The following CYP11A1 variants were observed in gnomAD, a reference collection of about 807,000 sequenced individuals.
CYP11A1 encodes the protein cytochrome P450 family 11 subfamily A member 1, also known as cholesterol side-chain cleavage enzyme, mitochondrial.
CYP11A1 carries 25 observed loss-of-function variants against 51.9 expected under a neutral mutation model. The observed-to-expected ratio is 0.48, with a 90% CI of 0.35 to 0.67. The LOEUF is 0.67. Among genes scored for constraint, CYP11A1 ranks in the 30% least tolerant of loss-of-function variants. CYP11A1 has a pLI of 0.00. For missense variants in CYP11A1, 578 were observed against 680.9 expected, an observed-to-expected ratio of 0.85 and a Z score of 1.68; for synonymous variants, 245 against 262.1, an observed-to-expected ratio of 0.93 and a Z score of 0.63.
intron 1 of CYP11A1, among the ~76,000 whole-genome samples, chr15:74,353,199 G>A (rs1278025626): frequency 1.3e-5 from 2 of 152,182 alleles, no homozygotes; most frequent in South Asian, 4.1e-4. Context: ...TCAAGTTACA[G>A]TTTTGAAAAG....
intron 1 of CYP11A1, among the ~76,000 whole-genome samples, chr15:74,352,250 T>C (rs1387824665): frequency 6.6e-6 from 1 of 151,148 alleles, no homozygotes; most frequent in Non-Finnish European, 1.5e-5. Flanking sequence ...GAATTTTATG[T>C]TTGTCTTTGC....
At chr15:74,360,316 T>G (rs1464819997) in intron 1 of CYP11A1, among the ~76,000 whole-genome samples, 1 of 152,052 alleles carries the variant, frequency 6.6e-6, no homozygotes, top group African/African-American at 2.4e-5. Context: ...AGTCTCACTC[T>G]GTCCCCCAGG....
chr15:74,358,739 C>G (rs34578565), intron 1 of CYP11A1, among the ~76,000 whole-genome samples: 72,074 of 152,066 alleles, frequency 0.47, 19,083 homozygotes, highest in Non-Finnish European at 0.6. Flanking sequence ...TTCTGTCAGA[C>G]ATAATTCCTC....
intron 1 of CYP11A1, among the ~76,000 whole-genome samples, chr15:74,348,574 G>A (rs1280232407): frequency 6.6e-6 from 1 of 152,170 alleles, no homozygotes; most frequent in Non-Finnish European, 1.5e-5. Context: ...CTGAAATTCT[G>A]AGAGTGGCCA....
At chr15:74,365,790 C>A in intron 1 of CYP11A1, 2 of 985,560 alleles carry the variant, frequency 2.0e-6, no homozygotes, top group Non-Finnish European at 2.4e-6. Flanking sequence ...CAGAGGCCAG[C>A]AGAGGCGAGG....
intron 2 of CYP11A1, among the ~76,000 whole-genome samples, chr15:74,346,352 C>CAA (rs1231496852): frequency 1.2e-3 from 101 of 83,736 alleles, no homozygotes; most frequent in Middle Eastern, 6.8e-3. Flanking sequence ...GACTCTGCCT[C>CAA]AAAAAAAAAA....
rs2060629012 is a variant in CYP11A1, at chr15:74,345,498, C to G, written c.426-255G>C. On this transcript the variant is annotated intron_variant, in intron 2 of 8. Coordinates refer to ENST00000268053, the MANE Select transcript of CYP11A1 (RefSeq NM_000781.3). This position sits in a 1 kb window ranked among gnomAD's most constrained non-coding sequence, Gnocchi z 4.3. ...CTCCAACTCCCCTCCACTCCCTCTG[C>G]TGAGGGCCAGGAACTGATATTCTTA... is the stretch of plus-strand genomic sequence containing the variant. Among the ~76,000 whole-genome samples the G allele has an allele frequency of 6.6e-6, 1 of 152,334 alleles. No homozygotes were observed. The highest frequency in any genetic ancestry group is 2.1e-4 in the South Asian group (1 of 4,830).
intron 1 of CYP11A1, chr15:74,366,886 T>C (rs2060735960): frequency 5.6e-6 from 1 of 178,694 alleles, no homozygotes. Context: ...CAGCTAATTT[T>C]TGTATTTTTA....
intron 1 of CYP11A1, among the ~76,000 whole-genome samples, chr15:74,355,400 G>A (rs1302338443): frequency 6.6e-6 from 1 of 152,094 alleles, no homozygotes; most frequent in Non-Finnish European, 1.5e-5. Context: ...TGACACCCAG[G>A]CATTCTTTGT....
rs140651916 is a variant in CYP11A1, at chr15:74,338,807, T to C, written c.1237-39A>G. The C allele has an allele frequency of 6.9e-3, 10,944 of 1,588,756 alleles. 51 individuals are homozygous for C. Among genetic ancestry groups the C allele is most frequent in the Non-Finnish European group, 8.0e-3 (9,275 of 1,160,220 alleles). ...ATCAGAGGCCTGAGTAAGCCCCACT[T>C]CCCCACAGCCCTGAGCACAAAACCC... On this transcript the variant is annotated intron_variant, in intron 7 of 8. Coordinates refer to ENST00000268053, the MANE Select transcript of CYP11A1 (RefSeq NM_000781.3).
At chr15:74,362,494 C>CGGCT in intron 1 of CYP11A1, 1 of 154,106 alleles carries the variant, frequency 6.5e-6, no homozygotes, top group Admixed American at 6.3e-5. Flanking sequence ...CTGCTGGAAA[C>CGGCT]ATCAGAGAAA....
In CYP11A1 at chr15:74,338,558, C is replaced by G; in HGVS notation, c.1434+13G>C. 1 of 1,614,060 alleles carries G rather than the reference C, an allele frequency of 6.2e-7. No individual in the cohort carries two copies. The highest frequency in any genetic ancestry group is 1.1e-5 in the South Asian group (1 of 91,082). On this transcript the variant is annotated intron_variant, in intron 8 of 8. Coordinates refer to ENST00000268053, the MANE Select transcript of CYP11A1 (RefSeq NM_000781.3). The stretch of plus-strand genomic sequence containing the variant: ...CCAGCCCAGGGTGCCTAGATGTCCC[C>G]AGCTTGACTCACATTGATGAGGAAG...
In CYP11A1 at chr15:74,358,833, G is replaced by A. The variant is rs533613126; in HGVS notation, c.269+8484C>T. ...CACTCAAGCAGTTTCTCAGGCTCTT[G>A]GTATTCAGTGAAACCTTCATACCCC... On this transcript the variant is annotated intron_variant, in intron 1 of 8. Coordinates refer to ENST00000268053, the MANE Select transcript of CYP11A1 (RefSeq NM_000781.3). Among the ~76,000 whole-genome samples, 17 of 152,162 alleles carry A rather than the reference G, an allele frequency of 1.1e-4. No homozygotes were observed. In the South Asian group the frequency reaches 2.5e-3, roughly 22 times the overall value.
At chr15:74,339,191 A>T in intron 7 of CYP11A1, 46 bp downstream of exon 7, 1 of 1,524,420 alleles carries the variant, frequency 6.6e-7, no homozygotes, top group Non-Finnish European at 9.1e-7. Flanking sequence ...AGCCTGCCCC[A>T]GCCCTCTCTG....
chr15:74,361,598 CT>C, intron 1 of CYP11A1: 1 of 1,085,086 alleles, frequency 9.2e-7, no homozygotes, highest in Non-Finnish European at 1.4e-6. Flanking sequence ...ACGGCGAGCC[CT>C]TGGGTCACGT....
At chr15:74,339,954 G>A (rs995170462) in intron 5 of CYP11A1, among the ~76,000 whole-genome samples, 22 of 152,300 alleles carry the variant, frequency 1.4e-4, no homozygotes, top group African/African-American at 4.6e-4. Flanking sequence ...CTTTCTTGCC[G>A]GCCAGGCAGG....
intron 1 of CYP11A1, chr15:74,363,042 G>C (rs2060716288): frequency 1.3e-5 from 2 of 152,218 alleles, no homozygotes; most frequent in South Asian, 4.1e-4. Context: ...TAAAGTAAAA[G>C]AAGCAATGAT....
At chr15:74,365,909 C>G in intron 1 of CYP11A1, 2 of 985,614 alleles carry the variant, frequency 2.0e-6, no homozygotes, top group Non-Finnish European at 2.4e-6. Flanking sequence ...CCAGCGCCCC[C>G]GTAACACCTC....
chr15:74,343,815 GCCACATGGTCCTT>G lies in CYP11A1; in HGVS notation c.790_802del (p.Lys264LeufsTer5). 3.7e-6 allele frequency: 6 copies of G among 1,613,026 alleles called. No homozygotes were observed. The highest frequency in any genetic ancestry group is 4.2e-6 in the Non-Finnish European group (5 of 1,180,008). ...TTTACTGAAAATCACGTCCCATGCA[GCCACATGGTCCTT>G]CCAGGTCTTGGTCCTGAACAGACGG... On this transcript the variant is annotated frameshift_variant, in exon 4 of 9. Transcript: ENST00000268053. LOFTEE classifies it high-confidence loss of function.
Sources: allele counts gnomAD v4.1 joint callset (sites outside exome capture counted in the v4.1 genomes callset), GRCh38; gene constraint gnomAD v4.1.1; non-coding constraint Gnocchi (gnomAD v3.1); transcripts MANE v1.5; gene names NCBI Gene and HGNC (gene_info 2026-07-23, HGNC 2026-07-21).